The following RYR3 variants were observed in gnomAD, a reference collection of about 807,000 sequenced individuals.
RYR3 encodes the protein ryanodine receptor 3, also known as brain ryanodine receptor-calcium release channel.
RYR3 carries 207 observed loss-of-function variants against 584.3 expected under a neutral mutation model. That is an observed-to-expected ratio of 0.35 (90% confidence interval 0.32 to 0.40). The LOEUF (loss-of-function observed/expected upper bound fraction) is 0.40, where lower values mean the gene tolerates loss of function less well. Ranked by LOEUF, RYR3 falls within the 10% of genes least tolerant of loss-of-function variation. The pLI is 1.00. For missense variants in RYR3, 5,616 were observed against 6,089.2 expected, an observed-to-expected ratio of 0.92 and a Z score of 2.59; for synonymous variants, 2,416 against 2,248.5, an observed-to-expected ratio of 1.07 and a Z score of -2.11.
chr15:33,826,014 C>T (rs371038068), intron 82 of RYR3, among the ~76,000 whole-genome samples: 2 of 152,084 alleles, frequency 1.3e-5, no homozygotes, highest in African/African-American at 2.4e-5. Flanking sequence ...GAATTACAGG[C>T]GTGAGCCACC....
intron 20 of RYR3, among the ~76,000 whole-genome samples, chr15:33,627,474 G>T (rs2061051935): frequency 6.6e-6 from 1 of 152,164 alleles, no homozygotes; most frequent in South Asian, 2.1e-4. Flanking sequence ...GCCAGGTGCT[G>T]AGGAAGGTGG....
Position 33,548,139 on chromosome 15 carries a change from C to G in RYR3, c.750C>G (p.Phe250Leu). ...CCAACTCTGCTCACAGGAGGATATT[C>G]TACGAAGCTGGGGGAGCTGGGACTC... is the stretch of plus-strand genomic sequence containing the variant. ...DQNDSQHRRIFYEAGGAGTRA... is the reference protein window; with the variant it reads ...DQNDSQHRRILYEAGGAGTRA... Residue 250 changes from phenylalanine (F) to leucine (L), a missense_variant, in exon 9 of 104, where the codon TTC becomes TTG. Phe to Leu is a conservative substitution (Grantham distance 22). This residue lies in a region of RYR3 where 1,284 missense variants were observed against 1,344.6 expected (regional missense o/e 0.95). Coordinates refer to ENST00000634891, the MANE Select transcript of RYR3 (RefSeq NM_001036.6). 6.2e-7 allele frequency: 1 copy of G among 1,612,226 alleles called. No individual in the cohort carries two copies. Among genetic ancestry groups the G allele is most frequent in the Non-Finnish European group, 8.5e-7 (1 of 1,179,108 alleles).
At chr15:33,648,969 G>A (rs1595969815) in intron 30 of RYR3, 103 bp from the exon 31 acceptor site, 2 of 1,145,902 alleles carry the variant, frequency 1.7e-6, no homozygotes, top group South Asian at 3.5e-5. Flanking sequence ...AAAAAAAAGG[G>A]GGGGCCAAGT....
At chr15:33,364,125 A>T (rs1368557293) in intron 1 of RYR3, among the ~76,000 whole-genome samples, 3 of 152,240 alleles carry the variant, frequency 2.0e-5, no homozygotes, top group Non-Finnish European at 2.9e-5. Context: ...TTGAAATGAC[A>T]AATATCTTGG....
intron 3 of RYR3, among the ~76,000 whole-genome samples, chr15:33,524,138 T>C (rs1188032236): frequency 1.3e-5 from 2 of 152,172 alleles, no homozygotes; most frequent in Non-Finnish European, 2.9e-5. Flanking sequence ...ATACACACAC[T>C]ATCCTTTTCC....
Position 33,443,950 on chromosome 15 carries a change from G to A in RYR3, c.52-29469G>A, listed in dbSNP as rs145135771. On this transcript the variant is annotated intron_variant, in intron 1 of 103. Transcript: ENST00000634891. Reference sequence around the variant, plus strand: ...ATTCTGACACACCATAGATATTGCAGGAGGCAGCCACCATGTGAAATCTAC... The same window carrying A: ...ATTCTGACACACCATAGATATTGCAAGAGGCAGCCACCATGTGAAATCTAC... Among the ~76,000 whole-genome samples the A allele has an allele frequency of 5.1e-3, 775 of 152,298 alleles. 7 individuals are homozygous for A. Among genetic ancestry groups the A allele is most frequent in the African/African-American group, 0.018 (749 of 41,568 alleles).
intron 1 of RYR3, among the ~76,000 whole-genome samples, chr15:33,337,281 CAAA>C (rs1275522477): frequency 1.3e-5 from 2 of 151,854 alleles, no homozygotes; most frequent in Non-Finnish European, 2.9e-5. Flanking sequence ...AACTGACTCA[CAAA>C]GAAGAAGACA....
intron 1 of RYR3, among the ~76,000 whole-genome samples, chr15:33,377,417 T>G (rs918959568): frequency 2.0e-5 from 3 of 152,184 alleles, no homozygotes; most frequent in Non-Finnish European, 4.4e-5. Context: ...GGCCTAGATA[T>G]TCTCACATTA....
At chr15:33,581,248 G>C (rs1304982922) in intron 13 of RYR3, among the ~76,000 whole-genome samples, 1 of 152,104 alleles carries the variant, frequency 6.6e-6, no homozygotes, top group Non-Finnish European at 1.5e-5. Flanking sequence ...CTTGGATTGA[G>C]TTAAGCACGT....
intron 1 of RYR3, among the ~76,000 whole-genome samples, chr15:33,378,384 G>A (rs2040908368): frequency 6.6e-6 from 1 of 152,312 alleles, no homozygotes; most frequent in African/African-American, 2.4e-5. Context: ...CCTGGGAGAA[G>A]TGTCAAGTGG....
intron 52 of RYR3, among the ~76,000 whole-genome samples, chr15:33,745,050 C>T (rs567832856): frequency 6.6e-6 from 1 of 152,146 alleles, no homozygotes; most frequent in East Asian, 1.9e-4. Flanking sequence ...CTAATGGTGG[C>T]CTGAACTAAC....
chr15:33,734,509 G>A (rs8030095), intron 48 of RYR3, among the ~76,000 whole-genome samples: 89,670 of 151,800 alleles, frequency 0.59, 27,508 homozygotes, highest in Admixed American at 0.72. Flanking sequence ...TAACAGCTGC[G>A]ATCGTGTTCC....
rs772565900 is a variant in RYR3 at position 33,660,236 on chromosome 15, G to A, written c.4435G>A (p.Glu1479Lys). Residue 1479 changes from glutamate to lysine, a missense_variant, in exon 34 of 104, where the codon GAG becomes AAG. Around this residue, in one of 9 missense-constraint regions of RYR3, gnomAD observed 753 missense variants for 741.0 expected, o/e 1.02. Transcript: ENST00000634891. The part of the protein sequence containing the change: ...PLSAAIFRSE[E>K]KNPVPQCPPR... ...GTCAGCGGCCATATTCAGGAGTGAA[G>A]AGAAGAACCCAGTCCCACAGTGTCC... 97 of 1,553,366 alleles carry A rather than the reference G, an allele frequency of 6.2e-5. 1 individual carries two copies. In the South Asian group the frequency reaches 1.0e-3, roughly 17 times the overall value.
intron 1 of RYR3, among the ~76,000 whole-genome samples, chr15:33,438,017 T>C (rs1423467009): frequency 6.6e-6 from 1 of 152,162 alleles, no homozygotes; most frequent in African/African-American, 2.4e-5. Flanking sequence ...AAATTGTATA[T>C]ATTTATTGTG....
chr15:33,428,020 A>G (rs1309973441), intron 1 of RYR3, among the ~76,000 whole-genome samples: 1 of 152,158 alleles, frequency 6.6e-6, no homozygotes, highest in Non-Finnish European at 1.5e-5. Context: ...TCCCTTATCA[A>G]TCCCTATCAT....
chr15:33,757,269 T>C (rs1003764179), intron 59 of RYR3, among the ~76,000 whole-genome samples: 20 of 152,226 alleles, frequency 1.3e-4, no homozygotes, highest in African/African-American at 4.8e-4. Flanking sequence ...CATGGCTGTC[T>C]CCTTTCACAT....
chr15:33,425,166 C>G (rs2044517873), intron 1 of RYR3, among the ~76,000 whole-genome samples: 1 of 152,208 alleles, frequency 6.6e-6, no homozygotes, highest in African/African-American at 2.4e-5. Context: ...TTCAGCAACT[C>G]TGTTGAATAC....
At chr15:33,767,532 A>AC (rs58573589) in intron 60 of RYR3, among the ~76,000 whole-genome samples, 150,987 of 152,252 alleles carry the variant, frequency 0.99, 74,878 homozygotes, top group Middle Eastern at 1. Context: ...TTTATTGAAA[A>AC]CATTTAAAGG....
intron 1 of RYR3, among the ~76,000 whole-genome samples, chr15:33,416,863 C>T: frequency 6.6e-6 from 1 of 152,040 alleles, no homozygotes; most frequent in Non-Finnish European, 1.5e-5. Flanking sequence ...AGTTAATTTT[C>T]ATATATGGTG....
Sources: allele counts gnomAD v4.1 joint callset (sites outside exome capture counted in the v4.1 genomes callset), GRCh38; gene constraint gnomAD v4.1.1; regional missense constraint gnomAD v4.1.1; transcripts MANE v1.5; gene names NCBI Gene and HGNC (gene_info 2026-07-23, HGNC 2026-07-21).